The following BCAS3 variants were observed in gnomAD, a reference collection of about 807,000 sequenced individuals.
BCAS3 encodes BCAS3 microtubule associated cell migration factor.
In BCAS3, 53 loss-of-function variants were observed where a neutral mutation model predicts 116.1. The ratio of observed to expected loss-of-function variants is 0.46; its 90% CI spans 0.37 to 0.57. The LOEUF is 0.57. Ranked by LOEUF, BCAS3 falls within the 20% of genes least tolerant of loss-of-function variation. The probability of loss-of-function intolerance (pLI) is 0.00; values close to 1 mark genes in which losing one functional copy is unlikely to be tolerated. For missense variants in BCAS3, 917 were observed against 1,165.4 expected (o/e 0.79, Z 3.10); for synonymous variants, 391 against 408.2 (o/e 0.96, Z 0.51).
rs1366864339 is a variant in BCAS3 at position 61,098,140 on chromosome 17, G to T, written c.2425+13576G>T. ...TGTTATCATGGATATAAATGGTGCTGGAGGGTCCTTCTTGCATAGAGAGGT... is the reference window on the plus strand; with the variant it reads ...TGTTATCATGGATATAAATGGTGCTTGAGGGTCCTTCTTGCATAGAGAGGT... On this transcript the variant is annotated intron_variant, in intron 22 of 23. Coordinates refer to ENST00000407086, the MANE Select transcript of BCAS3 (RefSeq NM_017679.5). The surrounding 1 kb of genome is among the most constrained non-coding windows in gnomAD (Gnocchi z 4.2). 6.6e-6 allele frequency among the ~76,000 whole-genome samples: 1 copy of T among 152,180 alleles called. No homozygotes were observed. The highest frequency in any genetic ancestry group is 1.5e-5 in the Non-Finnish European group (1 of 68,032).
chr17:60,988,993 C>CT (rs935753125), intron 14 of BCAS3, among the ~76,000 whole-genome samples: 3 of 150,176 alleles, frequency 2.0e-5, no homozygotes, highest in Admixed American at 6.7e-5. Flanking sequence ...TGAAGTTTTC[C>CT]TTTTTTTTTA....
chr17:61,304,967 G>A (rs1285555473), intron 22 of BCAS3, among the ~76,000 whole-genome samples: 1 of 152,122 alleles, frequency 6.6e-6, no homozygotes, highest in Non-Finnish European at 1.5e-5. Flanking sequence ...ATGTTGGCCA[G>A]GCTGGTCTTT....
At chr17:60,992,838 A>G (rs1341179499) in intron 15 of BCAS3, among the ~76,000 whole-genome samples, 1 of 152,182 alleles carries the variant, frequency 6.6e-6, no homozygotes, top group Admixed American at 6.5e-5. Flanking sequence ...TGTGTTTTCT[A>G]TGTAGATGTG....
chr17:60,743,030 G>C (rs950130000), intron 5 of BCAS3, among the ~76,000 whole-genome samples: 1 of 150,354 alleles, frequency 6.7e-6, no homozygotes, highest in Non-Finnish European at 1.5e-5. Flanking sequence ...GGAGAATGGC[G>C]TGAACCCAGG....
chr17:61,177,515 A>G lies in BCAS3; in HGVS notation c.2425+92951A>G, dbSNP rs1171709920. Among the ~76,000 whole-genome samples, 4 of 152,340 alleles carry G rather than the reference A, an allele frequency of 2.6e-5. No individual in the cohort carries two copies. In the East Asian group the frequency reaches 7.7e-4, roughly 29 times the overall value. On this transcript the variant is annotated intron_variant, in intron 22 of 23. Transcript: ENST00000407086. ...GATGCTAACTAATCTGTGGTAACTG[A>G]AAGCAAGAAGTGGTTTCCTGGATAT...
intron 9 of BCAS3, among the ~76,000 whole-genome samples, chr17:60,887,838 A>C (rs1301547642): frequency 1.3e-5 from 2 of 152,202 alleles, no homozygotes; most frequent in African/African-American, 4.8e-5. Context: ...AAATTGCATC[A>C]TGCTTGTGTA....
chr17:60,918,920 C>T (rs935147259), intron 12 of BCAS3, among the ~76,000 whole-genome samples: 1 of 152,050 alleles, frequency 6.6e-6, no homozygotes, highest in Non-Finnish European at 1.5e-5. Flanking sequence ...GTCCCGATCT[C>T]CTGACCTCGT....
At chr17:60,795,980 A>G (rs1471283446) in intron 6 of BCAS3, among the ~76,000 whole-genome samples, 1 of 150,618 alleles carries the variant, frequency 6.6e-6, no homozygotes, top group Non-Finnish European at 1.5e-5. Flanking sequence ...GTGAGCCACC[A>G]CTCCCTGCCG....
rs2056352666 is a variant in BCAS3, at chr17:61,332,225, G to C, written c.2426-36102G>C. Among the ~76,000 whole-genome samples the C allele has an allele frequency of 1.3e-5, 2 of 152,186 alleles. No individual in the cohort carries two copies. The highest frequency in any genetic ancestry group is 6.5e-5 in the Admixed American group (1 of 15,280). On this transcript the variant is annotated intron_variant, in intron 22 of 23. Transcript: ENST00000407086. This position sits in a 1 kb window ranked among gnomAD's most constrained non-coding sequence, Gnocchi z 5.4. ...TATGTTTCGGGGACATGAGAAGAAG[G>C]CATTCTTAGAACAGATACTGCCTGG...
At chr17:60,991,078 C>CCTCATTCTTCT (rs2063496971) in intron 15 of BCAS3, among the ~76,000 whole-genome samples, 1 of 152,130 alleles carries the variant, frequency 6.6e-6, no homozygotes, top group Non-Finnish European at 1.5e-5. Flanking sequence ...TTTTGCATAC[C>CCTCATTCTTCT]TTCTCCATAA....
At chr17:61,052,994 G>A (rs1249399366) in intron 19 of BCAS3, among the ~76,000 whole-genome samples, 1 of 152,040 alleles carries the variant, frequency 6.6e-6, no homozygotes. Context: ...TGGGATTTCA[G>A]GAGTGAGCCA....
At chr17:61,185,962 G>C (rs1300742330) in intron 22 of BCAS3, among the ~76,000 whole-genome samples, 2 of 152,020 alleles carry the variant, frequency 1.3e-5, no homozygotes, top group Non-Finnish European at 2.9e-5. Context: ...CAAAATATAA[G>C]AAAATACACA....
chr17:61,390,790 G>A lies in BCAS3; in HGVS notation c.2594-1187G>A, dbSNP rs2060092316. On this transcript the variant is annotated intron_variant, in intron 23 of 23. Transcript: ENST00000407086. The surrounding 1 kb of genome is among the most constrained non-coding windows in gnomAD (Gnocchi z 6.8). ...GGATGAAGACCAAGGTCTCAAGCCA[G>A]ACCAGACGAGTGCAACGTTTTTGCA... The A allele has an allele frequency of 6.6e-6, 1 of 152,470 alleles. No homozygotes were observed. Among genetic ancestry groups the A allele is most frequent in the African/African-American group, 2.4e-5 (1 of 41,464 alleles). The allele number at this position is 152,470 out of a possible 1,614,324, so 9.4% of individuals were successfully genotyped here. A position where few individuals can be genotyped will look rare whatever the true frequency, so the allele number is the denominator to read the frequency against.
At chr17:60,817,587 G>T (rs1015701720) in intron 7 of BCAS3, among the ~76,000 whole-genome samples, 1 of 152,186 alleles carries the variant, frequency 6.6e-6, no homozygotes, top group African/African-American at 2.4e-5. Flanking sequence ...TGTTGTAGAT[G>T]AAGAAAAGAG....
At chr17:60,822,865 T>G (rs1439284153) in intron 7 of BCAS3, among the ~76,000 whole-genome samples, 1 of 152,200 alleles carries the variant, frequency 6.6e-6, no homozygotes, top group Non-Finnish European at 1.5e-5. Context: ...TGGGATTTAC[T>G]CTGTGAAACC....
rs1199818671 is a variant in BCAS3, at chr17:61,379,626, T to G, written c.2593+11132T>G. 2.0e-5 allele frequency: 3 copies of G among 152,210 alleles called. No individual in the cohort carries two copies. Among genetic ancestry groups the G allele is most frequent in the Non-Finnish European group, 4.4e-5 (3 of 68,044 alleles). The allele number at this position is 152,210 out of a possible 1,614,324, so 9.4% of individuals were successfully genotyped here. A position where few individuals can be genotyped will look rare whatever the true frequency, so the allele number is the denominator to read the frequency against. Reference sequence around the variant, plus strand: ...CCCACTCCTCCTCCCACGTCACCCCTGCCCCCGGGGACCTGCCGGCCCACT... The same window carrying G: ...CCCACTCCTCCTCCCACGTCACCCCGGCCCCCGGGGACCTGCCGGCCCACT... On this transcript the variant is annotated intron_variant, in intron 23 of 23. Coordinates refer to ENST00000407086, the MANE Select transcript of BCAS3 (RefSeq NM_017679.5). The surrounding 1 kb of genome is among the most constrained non-coding windows in gnomAD (Gnocchi z 5.5).
At chr17:60,941,162 A>C (rs1163242977) in intron 13 of BCAS3, among the ~76,000 whole-genome samples, 1 of 152,210 alleles carries the variant, frequency 6.6e-6, no homozygotes, top group Non-Finnish European at 1.5e-5. Flanking sequence ...CCAGATAAAC[A>C]TACAGAAGTG....
chr17:60,764,536 T>A (rs542597205), intron 6 of BCAS3, among the ~76,000 whole-genome samples: 79 of 152,328 alleles, frequency 5.2e-4, no homozygotes, highest in South Asian at 1.0e-3. Flanking sequence ...TGAGTTCTAA[T>A]TGGATTGTAC....
chr17:60,682,723 T>C (rs2143804473), intron 2 of BCAS3, among the ~76,000 whole-genome samples: 1 of 152,236 alleles, frequency 6.6e-6, no homozygotes, highest in East Asian at 1.9e-4. Context: ...GGTTTCACCA[T>C]GTTGGCCAGG....
Sources: allele counts gnomAD v4.1 joint callset (sites outside exome capture counted in the v4.1 genomes callset), GRCh38; gene constraint gnomAD v4.1.1; non-coding constraint Gnocchi (gnomAD v3.1); transcripts MANE v1.5; gene names NCBI Gene and HGNC (gene_info 2026-07-23, HGNC 2026-07-21).